The following MADD variants were observed in gnomAD, a reference collection of about 807,000 sequenced individuals.
MADD encodes MAP kinase activating death domain.
A neutral mutation model predicts 176.7 loss-of-function variants in MADD; 109 were observed. That is an observed-to-expected ratio of 0.62 (90% CI 0.53 to 0.72). The LOEUF (loss-of-function observed/expected upper bound fraction) is 0.72. Among genes scored for constraint, MADD ranks in the 30% least tolerant of loss-of-function variants. The pLI is 0.00. For synonymous variants in MADD, 771 were observed against 771.3 expected (o/e 1.00, Z 0.01); for missense variants, 1,914 against 2,045.5 (o/e 0.94, Z 1.24).
At chr11:47,285,430 A>G in intron 13 of MADD, 21 bp from the exon 14 acceptor site, 1 of 1,613,954 alleles carries the variant, frequency 6.2e-7, no homozygotes. Context: ...TGGGGATCAT[A>G]GGTGCCTCTG....
At chr11:47,269,575 T>A (rs1958285627), upstream of MADD, 1 of 152,156 alleles carries the variant, frequency 6.6e-6, no homozygotes, top group Non-Finnish European at 1.5e-5. Flanking sequence ...GCGGACTGAC[T>A]GGACTCCATC....
At chr11:47,320,142 G>C (rs1373637389) in intron 27 of MADD, among the ~76,000 whole-genome samples, 1 of 147,604 alleles carries the variant, frequency 6.8e-6, no homozygotes, top group Non-Finnish European at 1.5e-5. Context: ...TTTAACTAGT[G>C]CCTCTCACTA....
At chr11:47,277,015 G>A (rs1349020604) in intron 5 of MADD, 152 bp downstream of exon 5, 17 of 975,642 alleles carry the variant, frequency 1.7e-5, no homozygotes, top group South Asian at 1.7e-4. Flanking sequence ...CTGATCTGGT[G>A]GCAAGGCTTA....
At chr11:47,271,327 T>C (rs911012241) in intron 1 of MADD, among the ~76,000 whole-genome samples, 8 of 152,148 alleles carry the variant, frequency 5.3e-5, no homozygotes, top group Admixed American at 4.6e-4. Flanking sequence ...GAGGAGAGAA[T>C]GAGAAGGAAA....
chr11:47,301,881 G>A (rs916667362), intron 22 of MADD, among the ~76,000 whole-genome samples: 3 of 152,178 alleles, frequency 2.0e-5, no homozygotes, highest in Non-Finnish European at 2.9e-5. Flanking sequence ...CCTAGAGAAT[G>A]TTCTGGGTGT....
At chr11:47,322,916 C>CT (rs1171834543) in intron 27 of MADD, among the ~76,000 whole-genome samples, 2 of 152,178 alleles carry the variant, frequency 1.3e-5, no homozygotes, top group East Asian at 1.9e-4. Context: ...CCTCCAAATA[C>CT]TTTAAGTCCG....
chr11:47,326,920 A>C, intron 31 of MADD, 113 bp downstream of exon 35: 2 of 1,499,240 alleles, frequency 1.3e-6, no homozygotes, highest in Non-Finnish European at 8.9e-7. Context: ...TAGAGAAGTC[A>C]GGAGGAGCAG....
chr11:47,293,762 T>C (rs2067568735), intron 19 of MADD, 121 bp from the exon 22 acceptor site: 1 of 653,528 alleles, frequency 1.5e-6, no homozygotes, highest in Non-Finnish European at 2.7e-6. Context: ...GGGTAGTCCT[T>C]GGAAAGGTGA....
chr11:47,298,894 T>A (rs1474654925), intron 22 of MADD, among the ~76,000 whole-genome samples: 1 of 152,196 alleles, frequency 6.6e-6, no homozygotes, highest in African/African-American at 2.4e-5. Flanking sequence ...TTTTTCTGAA[T>A]AATGGATATC....
At chr11:47,323,547 C>A in intron 27 of MADD, 124 bp from the exon 31 acceptor site, 1 of 903,568 alleles carries the variant, frequency 1.1e-6, no homozygotes, top group Non-Finnish European at 1.7e-6. Flanking sequence ...CTAGGGAAAC[C>A]ATGAGCGTAA....
chr11:47,311,652 C>G, intron 25 of MADD, 80 bp from the exon 29 acceptor site: 1 of 858,994 alleles, frequency 1.2e-6, no homozygotes, highest in Non-Finnish European at 2.0e-6. Flanking sequence ...GGTGGGAAGC[C>G]CACTTGTACA....
intron 27 of MADD, among the ~76,000 whole-genome samples, chr11:47,318,737 T>G (rs966496172): frequency 2.0e-5 from 3 of 151,852 alleles, no homozygotes; most frequent in Admixed American, 1.3e-4. Flanking sequence ...GATTTAGCCT[T>G]TCTCAGAGCA....
At chr11:47,318,061 C>T (rs1337718921) in intron 27 of MADD, among the ~76,000 whole-genome samples, 1 of 152,124 alleles carries the variant, frequency 6.6e-6, no homozygotes, top group Non-Finnish European at 1.5e-5. Context: ...TGAGCCATCA[C>T]GCCTGGCTAC....
intron 19 of MADD, among the ~76,000 whole-genome samples, chr11:47,292,165 G>A (rs1246564554): frequency 6.6e-6 from 1 of 152,230 alleles, no homozygotes; most frequent in Non-Finnish European, 1.5e-5. Context: ...GGTAGAGAGA[G>A]TGTGTGGCAT....
At chr11:47,296,194 A>G in intron 22 of MADD, 139 bp downstream of exon 24, 1 of 1,033,126 alleles carries the variant, frequency 9.7e-7, no homozygotes. Flanking sequence ...TTTGGCTTTA[A>G]GGAAAACATT....
At chr11:47,310,370 C>T (rs547171586) in intron 25 of MADD, among the ~76,000 whole-genome samples, 26 of 151,036 alleles carry the variant, frequency 1.7e-4, no homozygotes, top group African/African-American at 5.3e-4. Flanking sequence ...TTAGTAGAGA[C>T]GGGGTTTCAC....
intron 8 of MADD, among the ~76,000 whole-genome samples, chr11:47,282,023 C>T (rs1214693912): frequency 1.3e-5 from 2 of 151,728 alleles, no homozygotes; most frequent in African/African-American, 2.4e-5. Context: ...TTAGTAGAGA[C>T]GGGGTTTCAC....
In MADD at chr11:47,270,307, G is replaced by A. The variant is rs1426740030; in HGVS notation, c.-89+61G>A. Reference sequence around the variant, plus strand: ...CGTCTGGGGACTCCGAGCGGGAGACGGGCTCTGAGAGGACACCGTGGCTCT... The same window carrying A: ...CGTCTGGGGACTCCGAGCGGGAGACAGGCTCTGAGAGGACACCGTGGCTCT... On this transcript the variant is annotated intron_variant, in intron 1 of 32. Coordinates refer to ENST00000402192, the Ensembl canonical transcript of MADD. 6 of 152,210 alleles carry A rather than the reference G, an allele frequency of 3.9e-5. No homozygotes were observed. The East Asian group carries it at 9.7e-4, about 25-fold the overall frequency. 9.4% of individuals were successfully genotyped at this position (152,210 alleles called of 1,614,324 possible).
chr11:47,308,474 A>C lies in MADD; in HGVS notation c.3643-117A>C, dbSNP rs191849957. The C allele has an allele frequency of 2.8e-3, 1,824 of 647,376 alleles. 7 individuals carry two copies. Among genetic ancestry groups the C allele is most frequent in the Middle Eastern group, 4.8e-3 (18 of 3,730 alleles). The allele number at this position is 647,376 out of a possible 1,614,324, so 40.1% of individuals were successfully genotyped here. On this transcript the variant is annotated intron_variant, in intron 22 of 32. Coordinates refer to ENST00000402192, the Ensembl canonical transcript of MADD. ...GGACTTGCAGAAGCAGGGGTACTGG[A>C]GTTTATGTTGCTAATGGATGGTGAC...
Sources: gnomAD v4.1 joint callset for allele counts (sites outside exome capture counted in the v4.1 genomes callset) on GRCh38, gnomAD v4.1.1 for gene constraint, MANE v1.5 for transcripts, NCBI Gene and HGNC (gene_info 2026-07-23, HGNC 2026-07-21) for gene names.